The following VSTM4 variants were observed in gnomAD, a reference collection of about 807,000 sequenced individuals.
The protein encoded by VSTM4 is V-set and transmembrane domain-containing protein 4.
Under a neutral mutation model 36.4 loss-of-function variants are expected in VSTM4, and 20 were observed. The observed-to-expected ratio is 0.55, with a 90% CI of 0.39 to 0.80. The LOEUF (loss-of-function observed/expected upper bound fraction) is 0.80. VSTM4 is among the 30% of genes least tolerant of loss of function. VSTM4 has a pLI of 0.00. For missense variants in VSTM4, 392 were observed against 404.5 expected (o/e 0.97, Z 0.26); for synonymous variants, 182 against 173.9 (o/e 1.05, Z -0.37).
At chr10:49,031,719 C>T in intron 7 of VSTM4, among the ~76,000 whole-genome samples, 1 of 152,216 alleles carries the variant, frequency 6.6e-6, no homozygotes, top group East Asian at 1.9e-4. Context: ...AGTGGTTTCT[C>T]ATCACATTCT....
At position 49,017,530 on chromosome 10, in the gene VSTM4, A is replaced by G. The variant is rs1843121105; in HGVS notation, c.*2120T>C. ...CTGGGAGCTACTAGCTCTTAAGAGC[A>G]TGTGTTCTTGGTAGAATGTGTTCCT... On this transcript the variant is annotated 3_prime_UTR_variant, in exon 8 of 8. Transcript: ENST00000332853. 6.6e-6 allele frequency: 1 copy of G among 152,280 alleles called. No homozygotes were observed. Among genetic ancestry groups the G allele is most frequent in the African/African-American group, 2.4e-5 (1 of 41,466 alleles). The allele number at this position is 152,280 out of a possible 1,614,324, so 9.4% of individuals were successfully genotyped here.
At chr10:49,093,727 C>G (rs990360558) in intron 2 of VSTM4, among the ~76,000 whole-genome samples, 2 of 146,052 alleles carry the variant, frequency 1.4e-5, no homozygotes, top group African/African-American at 5.0e-5. Context: ...GCCCATAGTT[C>G]AAGTCATAGT....
At chr10:49,098,874 C>T (rs146572217) in intron 2 of VSTM4, among the ~76,000 whole-genome samples, 4 of 152,304 alleles carry the variant, frequency 2.6e-5, no homozygotes, top group African/African-American at 7.2e-5. Context: ...CAGCCTGGCA[C>T]GCAGTAGGTG....
intron 5 of VSTM4, among the ~76,000 whole-genome samples, chr10:49,057,036 G>C (rs926569281): frequency 2.0e-5 from 3 of 152,022 alleles, no homozygotes; most frequent in South Asian, 2.1e-4. Context: ...GAGGGGCCAG[G>C]CTCTTTTAAA....
At chr10:49,028,264 C>A (rs1590068667) in intron 7 of VSTM4, among the ~76,000 whole-genome samples, 1 of 152,176 alleles carries the variant, frequency 6.6e-6, no homozygotes, top group African/African-American at 2.4e-5. Flanking sequence ...ATCACACAGA[C>A]CAGGTTTAAA....
intron 4 of VSTM4, among the ~76,000 whole-genome samples, chr10:49,074,451 G>A (rs561810469): frequency 6.6e-6 from 1 of 152,328 alleles, no homozygotes; most frequent in Non-Finnish European, 1.5e-5. Context: ...TTGCAGGCCT[G>A]CCCCAGACAT....
chr10:49,023,242 C>G (rs537506814), intron 7 of VSTM4, among the ~76,000 whole-genome samples: 20 of 152,322 alleles, frequency 1.3e-4, no homozygotes, highest in Middle Eastern at 3.4e-3. Flanking sequence ...TAATATCAGT[C>G]CTTGGCATCT....
intron 2 of VSTM4, among the ~76,000 whole-genome samples, chr10:49,092,079 A>G (rs903022098): frequency 2.6e-5 from 4 of 152,184 alleles, no homozygotes; most frequent in African/African-American, 9.6e-5. Context: ...TGGCCAGGGT[A>G]GCTGAAGCCT....
intron 2 of VSTM4, among the ~76,000 whole-genome samples, chr10:49,093,068 C>T (rs1844506845): frequency 6.6e-6 from 1 of 152,114 alleles, no homozygotes; most frequent in African/African-American, 2.4e-5. Flanking sequence ...TCTCCAAGCG[C>T]ACATGTGATC....
At chr10:49,077,151 A>T in intron 4 of VSTM4, 68 bp downstream of exon 4, 3 of 1,504,610 alleles carry the variant, frequency 2.0e-6, no homozygotes, top group Non-Finnish European at 2.7e-6. Context: ...TACTTTGTCT[A>T]GCATCTTCCG....
rs1345573718 is a variant in VSTM4 at position 49,015,120 on chromosome 10, T to A, written c.*4530A>T. On this transcript the variant is annotated 3_prime_UTR_variant, in exon 8 of 8. Transcript: ENST00000332853. ...CAGACCTCCTGAGCCAGGATCTACA[T>A]TTTTTTTTTTTTTTTTTTTGAGACG... The A allele has an allele frequency of 5.0e-4, 1 of 1,992 alleles. No homozygotes were observed. The highest frequency in any genetic ancestry group is 2.6e-3 in the Non-Finnish European group (1 of 378). The allele number at this position is 1,992 out of a possible 1,614,324, so 0.1% of individuals were successfully genotyped here.
At chr10:49,111,304 C>T (rs1445271819) in intron 1 of VSTM4, among the ~76,000 whole-genome samples, 1 of 152,162 alleles carries the variant, frequency 6.6e-6, no homozygotes, top group African/African-American at 2.4e-5. Context: ...CCATAGGGCT[C>T]AGCAGAGGGA....
intron 7 of VSTM4, among the ~76,000 whole-genome samples, chr10:49,046,534 C>T (rs2246937): frequency 6.6e-6 from 1 of 152,108 alleles, no homozygotes; most frequent in African/African-American, 2.4e-5. Flanking sequence ...ATGTAAGAAA[C>T]CAACACTAAG....
intron 3 of VSTM4, 27 bp downstream of exon 3, chr10:49,085,928 T>C: frequency 7.0e-7 from 1 of 1,438,134 alleles, no homozygotes; most frequent in Non-Finnish European, 9.5e-7. Context: ...TATAGAGCAA[T>C]AAAAAAAAGA....
intron 6 of VSTM4, 69 bp from the exon 7 acceptor site, chr10:49,047,113 C>T (rs754575273): frequency 1.9e-5 from 27 of 1,452,762 alleles, no homozygotes; most frequent in South Asian, 9.1e-5. Context: ...ACATTATGAG[C>T]ATCAGGGACA....
At chr10:49,078,702 G>A (rs1199920127) in intron 3 of VSTM4, among the ~76,000 whole-genome samples, 1 of 152,150 alleles carries the variant, frequency 6.6e-6, no homozygotes, top group Non-Finnish European at 1.5e-5. Flanking sequence ...TATAATGACA[G>A]AAATATTCTG....
intron 7 of VSTM4, among the ~76,000 whole-genome samples, chr10:49,045,257 A>G (rs534456990): frequency 1.3e-5 from 2 of 152,234 alleles, no homozygotes; most frequent in Admixed American, 6.5e-5. Context: ...GCTGAATAAT[A>G]TTAACAACAA....
chr10:49,044,462 GA>G, intron 7 of VSTM4, among the ~76,000 whole-genome samples: 1 of 116,052 alleles, frequency 8.6e-6, no homozygotes, highest in South Asian at 3.0e-4. Flanking sequence ...AAGAAAGAAA[GA>G]AAAAGAAAGA....
At position 49,107,520 on chromosome 10, in the gene VSTM4, G is replaced by A. The variant is rs368753415; in HGVS notation, c.457+74C>T. On this transcript the variant is annotated intron_variant, in intron 2 of 7. Transcript: ENST00000332853. ...CAACACAGCCAACCCGGGAGCCCCTGGGTGGTGGCTGCAAAGGGGGGCCTA... is the reference window on the plus strand; with the variant it reads ...CAACACAGCCAACCCGGGAGCCCCTAGGTGGTGGCTGCAAAGGGGGGCCTA... 417 of 1,519,188 alleles carry A rather than the reference G, an allele frequency of 2.7e-4. 5 individuals are homozygous for A. In the South Asian group the frequency reaches 4.9e-3, roughly 18 times the overall value. The allele number at this position is 1,519,188 out of a possible 1,614,324, so 94.1% of individuals were successfully genotyped here. A position where few individuals can be genotyped will look rare whatever the true frequency, so the allele number is the denominator to read the frequency against.
Sources: allele counts gnomAD v4.1 joint callset (sites outside exome capture counted in the v4.1 genomes callset), GRCh38; gene constraint gnomAD v4.1.1; transcripts MANE v1.5; gene names NCBI Gene and HGNC (gene_info 2026-07-23, HGNC 2026-07-21).